BAIAP2L1: variants seen among roughly 807,000 people sequenced by gnomAD.
BAIAP2L1 encodes the protein BAR/IMD domain-containing adapter protein 2-like 1.
BAIAP2L1 carries 35 observed loss-of-function variants against 66.3 expected under a neutral mutation model. The observed-to-expected ratio is 0.53, with a 90% CI of 0.40 to 0.70. The LOEUF is 0.70. Ranked by LOEUF, BAIAP2L1 falls within the 30% of genes least tolerant of loss-of-function variation. The pLI, the probability that BAIAP2L1 is intolerant of heterozygous loss-of-function variation, is 0.00. For missense variants in BAIAP2L1, 622 were observed against 656.9 expected (o/e 0.95, Z 0.58); for synonymous variants, 269 against 248.7 (o/e 1.08, Z -0.77).
intron 3 of BAIAP2L1, among the ~76,000 whole-genome samples, chr7:98,349,376 G>A (rs954808926): frequency 2.0e-5 from 3 of 152,100 alleles, no homozygotes; most frequent in East Asian, 1.9e-4. Context: ...CTTCTAAGAC[G>A]GCACAAGAGC....
intron 3 of BAIAP2L1, among the ~76,000 whole-genome samples, chr7:98,330,414 T>C (rs1053243009): frequency 1.3e-5 from 2 of 152,152 alleles, no homozygotes; most frequent in African/African-American, 4.8e-5. Flanking sequence ...TGCCAGCACT[T>C]TGGGAGACCG....
At chr7:98,379,503 C>T (rs1802709874) in intron 1 of BAIAP2L1, among the ~76,000 whole-genome samples, 2 of 152,182 alleles carry the variant, frequency 1.3e-5, no homozygotes, top group Admixed American at 6.5e-5. Context: ...CTGCCAGGCT[C>T]GGCCTTCTAC....
At chr7:98,399,074 G>T (rs190867488) in intron 1 of BAIAP2L1, among the ~76,000 whole-genome samples, 32 of 152,238 alleles carry the variant, frequency 2.1e-4, no homozygotes, top group African/African-American at 7.5e-4. Context: ...TACACACTTG[G>T]TCAGTACCCC....
chr7:98,375,757 A>AG (rs1197978355), intron 1 of BAIAP2L1, among the ~76,000 whole-genome samples: 3 of 151,566 alleles, frequency 2.0e-5, no homozygotes, highest in Admixed American at 6.6e-5. Context: ...AAAAAAAAAA[A>AG]AAAAAGAAAA....
Position 98,292,628 on chromosome 7 carries a change from C to T in BAIAP2L1, c.*893G>A. 1 of 1,551,608 alleles carries T rather than the reference C, an allele frequency of 6.4e-7. No homozygotes were observed. The highest frequency in any genetic ancestry group is 8.7e-7 in the Non-Finnish European group (1 of 1,146,954). ...CATGGCTGCTAGGCTGAAAAACCCG[C>T]CCTTCTCCAGGCACCAGAGGTCATC... On this transcript the variant is annotated 3_prime_UTR_variant, in exon 14 of 14. Coordinates refer to ENST00000005260, the MANE Select transcript of BAIAP2L1 (RefSeq NM_018842.5).
chr7:98,400,664 G>T, intron 1 of BAIAP2L1, 138 bp downstream of exon 1: 1 of 985,054 alleles, frequency 1.0e-6, no homozygotes, highest in Non-Finnish European at 1.6e-6. Context: ...CAGGGGAGGA[G>T]TGGGAGAGAC....
At chr7:98,396,623 G>A (rs1803214897) in intron 1 of BAIAP2L1, among the ~76,000 whole-genome samples, 1 of 152,084 alleles carries the variant, frequency 6.6e-6, no homozygotes, top group Non-Finnish European at 1.5e-5. Flanking sequence ...GTGAAACCCT[G>A]CTTCTATCAA....
chr7:98,398,038 T>C (rs894891589), intron 1 of BAIAP2L1, among the ~76,000 whole-genome samples: 1 of 152,212 alleles, frequency 6.6e-6, no homozygotes, highest in Non-Finnish European at 1.5e-5. Context: ...TCCTTTTCTC[T>C]AAAGTATTCC....
intron 1 of BAIAP2L1, among the ~76,000 whole-genome samples, chr7:98,384,468 C>T (rs1802836604): frequency 6.6e-6 from 1 of 151,998 alleles, no homozygotes; most frequent in Non-Finnish European, 1.5e-5. Context: ...AAGGTGTGTC[C>T]TGGAATAAAA....
rs1360851276 is a variant in BAIAP2L1, at chr7:98,310,264, A to G, written c.955+181T>C. On this transcript the variant is annotated intron_variant, in intron 9 of 13. Coordinates refer to ENST00000005260, the MANE Select transcript of BAIAP2L1 (RefSeq NM_018842.5). ...AATGTATCACTTATCAGAGCGTCTC[A>G]CAGTCTAGTCCTGTATTTCTTCTGA... The G allele has an allele frequency of 7.3e-5, 42 of 576,846 alleles. 1 individual carries two copies. The highest frequency in any genetic ancestry group is 2.0e-5 in the Non-Finnish European group (7 of 341,770). The allele number at this position is 576,846 out of a possible 1,614,324, so 35.7% of individuals were successfully genotyped here.
intron 3 of BAIAP2L1, among the ~76,000 whole-genome samples, chr7:98,345,155 A>C (rs572574296): frequency 6.6e-6 from 1 of 152,174 alleles, no homozygotes; most frequent in African/African-American, 2.4e-5. Context: ...AAAAATTTAC[A>C]TCCGCAATAA....
rs1056585642 is a variant in BAIAP2L1, at chr7:98,336,380, G to A, written c.215-16082C>T. Among the ~76,000 whole-genome samples the A allele has an allele frequency of 1.2e-4, 18 of 152,302 alleles. No homozygotes were observed. The South Asian group carries it at 1.4e-3, about 12-fold the overall frequency. ...TGTAATCCCAGCACTTTGGGAGGCC[G>A]AGACAGGCGAATCACTTGAGGTCAG... On this transcript the variant is annotated intron_variant, in intron 3 of 13. Transcript: ENST00000005260.
intron 8 of BAIAP2L1, 69 bp from the exon 9 acceptor site, chr7:98,310,661 C>T: frequency 2.4e-6 from 3 of 1,252,840 alleles, no homozygotes; most frequent in Non-Finnish European, 2.1e-6. Flanking sequence ...ATTCCCAAGG[C>T]TGTTTTTTTT....
At chr7:98,344,273 A>T (rs565870998) in intron 3 of BAIAP2L1, among the ~76,000 whole-genome samples, 1 of 152,352 alleles carries the variant, frequency 6.6e-6, no homozygotes, top group Non-Finnish European at 1.5e-5. Context: ...GGTAAAGGTG[A>T]TATTTTAGCA....
chr7:98,355,100 G>A lies in BAIAP2L1; in HGVS notation c.156C>T (p.Tyr52=), dbSNP rs551692259. The A allele has an allele frequency of 2.2e-5, 35 of 1,613,754 alleles. 1 individual carries two copies. The highest frequency in any genetic ancestry group is 2.2e-4 in the Admixed American group (13 of 60,006). ...TCTCACCGATCTTGGCCACTCCATCGTAGTAGGCTTTTCCTGCCAGGATCA... is the reference window on the plus strand; with the variant it reads ...TCTCACCGATCTTGGCCACTCCATCATAGTAGGCTTTTCCTGCCAGGATCA... ...NAMILAGKAY[Y]DGVAKIGEIA... is the part of the protein sequence containing the mutation. Residue 52 remains tyrosine, a synonymous_variant, in exon 3 of 14, where the codon TAC becomes TAT. Coordinates refer to ENST00000005260, the MANE Select transcript of BAIAP2L1 (RefSeq NM_018842.5).
chr7:98,307,461 A>T (rs1435196477), intron 10 of BAIAP2L1: 1 of 1,402,942 alleles, frequency 7.1e-7, no homozygotes, highest in East Asian at 2.7e-5. Context: ...CAGACAGGTG[A>T]CTTCATACGC....
At chr7:98,307,947 A>C (rs749963745) in intron 9 of BAIAP2L1, 51 bp from the exon 10 acceptor site, 110 of 1,540,424 alleles carry the variant, frequency 7.1e-5, no homozygotes, top group Non-Finnish European at 9.5e-5. Flanking sequence ...GAGAATCAAT[A>C]GGCACATTCC....
chr7:98,304,198 G>C lies in BAIAP2L1; in HGVS notation c.1420C>G (p.Pro474Ala). 1.9e-6 allele frequency: 3 copies of C among 1,586,992 alleles called. No individual in the cohort carries two copies. Among genetic ancestry groups the C allele is most frequent in the Non-Finnish European group, 1.7e-6 (2 of 1,166,144 alleles). ...CGCCCTGCTGCGGCTTTACTCACAG[G>C]AGCCGCGGTCTCGGGCTTGGACGCT... Reference protein sequence around the residue: ...APASKPETAAPNDANGTAKPP... With the variant: ...APASKPETAAANDANGTAKPP... Residue 474 changes from proline (P) to alanine (A), a missense_variant and splice_region_variant, in exon 12 of 14, where the codon CCT (proline) becomes GCT (alanine). Transcript: ENST00000005260.
chr7:98,388,361 C>A (rs1003654765), intron 1 of BAIAP2L1, among the ~76,000 whole-genome samples: 1 of 152,198 alleles, frequency 6.6e-6, no homozygotes, highest in Non-Finnish European at 1.5e-5. Flanking sequence ...AGTCTCTAAG[C>A]AGATGCCTGT....
Sources: allele counts gnomAD v4.1 joint callset (sites outside exome capture counted in the v4.1 genomes callset), GRCh38; gene constraint gnomAD v4.1.1; transcripts MANE v1.5; gene names NCBI Gene and HGNC (gene_info 2026-07-23, HGNC 2026-07-21).